The following SHISA9 variants were observed in gnomAD, a reference collection of about 807,000 sequenced individuals.
The protein encoded by SHISA9 is shisa family member 9, also known as protein shisa-9.
A neutral mutation model predicts 38.0 loss-of-function variants in SHISA9; 13 were observed. The ratio of observed to expected loss-of-function variants is 0.34; its 90% confidence interval spans 0.22 to 0.54. The LOEUF is 0.54. Among genes scored for constraint, SHISA9 ranks in the 20% least tolerant of loss-of-function variants. SHISA9 has a pLI of 0.91. For missense variants in SHISA9, 538 were observed against 575.8 expected, an observed-to-expected ratio of 0.93 and a Z score of 0.67; for synonymous variants, 275 against 242.0, an observed-to-expected ratio of 1.14 and a Z score of -1.27.
intron 2 of SHISA9, among the ~76,000 whole-genome samples, chr16:13,055,524 C>A (rs955489158): frequency 6.6e-6 from 1 of 152,174 alleles, no homozygotes; most frequent in Non-Finnish European, 1.5e-5. Context: ...TCTTGGTGAT[C>A]ATGAGAAAGT....
At chr16:13,517,365 A>G in the SHISA9 span, among the ~76,000 whole-genome samples, 4 of 152,152 alleles carry the variant, frequency 2.6e-5, no homozygotes, top group Admixed American at 2.6e-4. Flanking sequence ...AAGCCATCCA[A>G]TTTGTGGTGA....
the SHISA9 span, among the ~76,000 whole-genome samples, chr16:13,323,094 T>C: frequency 6.6e-6 from 1 of 152,346 alleles, no homozygotes; most frequent in East Asian, 1.9e-4. Context: ...ACTTTGACTT[T>C]CTTCTTTCAA....
In SHISA9 at chr16:13,198,629, C is replaced by T. The variant is rs1334889556; in HGVS notation, c.692-4765C>T. On this transcript the variant is annotated intron_variant, in intron 2 of 4. Coordinates refer to ENST00000558583, the MANE Select transcript of SHISA9 (RefSeq NM_001145204.3). The stretch of plus-strand genomic sequence containing the variant: ...GCTGAATATATTTGTGGAAAACTCA[C>T]AAAGCAACTGGGTTGCCAGGTCTGG... 2.6e-5 allele frequency among the ~76,000 whole-genome samples: 4 copies of T among 152,258 alleles called. No individual in the cohort carries two copies. The East Asian group carries it at 5.8e-4, about 22-fold the overall frequency.
At chr16:13,019,786 TTC>T (rs1355291210) in intron 2 of SHISA9, among the ~76,000 whole-genome samples, 1 of 130,466 alleles carries the variant, frequency 7.7e-6, no homozygotes, top group African/African-American at 3.0e-5. Context: ...CTTTCTTTCT[TTC>T]TTTCTTTCTT....
chr16:12,973,502 A>G (rs184941851), intron 2 of SHISA9, among the ~76,000 whole-genome samples: 1 of 152,300 alleles, frequency 6.6e-6, no homozygotes, highest in African/African-American at 2.4e-5. Flanking sequence ...TCGACTTCAG[A>G]GCAGAGATTT....
At chr16:13,304,647 T>G in the SHISA9 span, among the ~76,000 whole-genome samples, 3 of 152,192 alleles carry the variant, frequency 2.0e-5, no homozygotes, top group Non-Finnish European at 4.4e-5. Flanking sequence ...TTTGTGTTGT[T>G]TTGAGGTCTA....
the SHISA9 span, among the ~76,000 whole-genome samples, chr16:13,510,801 T>G: frequency 6.6e-6 from 1 of 151,610 alleles, no homozygotes; most frequent in Non-Finnish European, 1.5e-5. Context: ...GTTTTTTTTT[T>G]GTAAAATAAA....
chr16:13,314,902 A>G, the SHISA9 span, among the ~76,000 whole-genome samples: 1 of 152,196 alleles, frequency 6.6e-6, no homozygotes, highest in Non-Finnish European at 1.5e-5. Flanking sequence ...GATCTGCTCT[A>G]CAATATAGAA....
At chr16:13,024,091 A>C (rs1052487478) in intron 2 of SHISA9, among the ~76,000 whole-genome samples, 1 of 152,184 alleles carries the variant, frequency 6.6e-6, no homozygotes, top group African/African-American at 2.4e-5. Flanking sequence ...AATCCTCACT[A>C]ACACTTAGTG....
the SHISA9 span, among the ~76,000 whole-genome samples, chr16:13,545,169 AAAAG>A: frequency 6.6e-6 from 1 of 152,234 alleles, no homozygotes; most frequent in African/African-American, 2.4e-5. Context: ...TACCATTGAG[AAAAG>A]AAAGATCCAA....
the SHISA9 span, among the ~76,000 whole-genome samples, chr16:13,547,593 G>T: frequency 1.3e-5 from 2 of 152,120 alleles, no homozygotes; most frequent in South Asian, 4.1e-4. Flanking sequence ...CTGCATTTTT[G>T]CTCTATTCAG....
chr16:13,325,542 C>T, the SHISA9 span, among the ~76,000 whole-genome samples: 1 of 152,142 alleles, frequency 6.6e-6, no homozygotes, highest in Non-Finnish European at 1.5e-5. Context: ...TGTATTTATA[C>T]ATACTATAGA....
At chr16:13,336,861 C>A in the SHISA9 span, among the ~76,000 whole-genome samples, 1 of 152,170 alleles carries the variant, frequency 6.6e-6, no homozygotes, top group African/African-American at 2.4e-5. Flanking sequence ...GAGGCTCAAA[C>A]CTCCACACCC....
Position 13,196,914 on chromosome 16 carries a change from C to T in SHISA9, c.692-6480C>T, listed in dbSNP as rs570931251. Among the ~76,000 whole-genome samples, 100 of 152,162 alleles carry T rather than the reference C, an allele frequency of 6.6e-4. 1 individual carries two copies. Among genetic ancestry groups the T allele is most frequent in the South Asian group, 1.7e-3 (8 of 4,828 alleles). ...TTCAGGACCAGCCTGGCCAACATGG[C>T]GAAACCATATCTCCACTAAAAATAC... is the stretch of plus-strand genomic sequence containing the variant. On this transcript the variant is annotated intron_variant, in intron 2 of 4. Transcript: ENST00000558583.
chr16:13,315,999 A>G, the SHISA9 span, among the ~76,000 whole-genome samples: 1 of 151,958 alleles, frequency 6.6e-6, no homozygotes, highest in Non-Finnish European at 1.5e-5. Flanking sequence ...CATCTGATAG[A>G]AAGTGTCATT....
intron 4 of SHISA9, among the ~76,000 whole-genome samples, chr16:13,213,831 G>A (rs1036873091): frequency 2.0e-5 from 3 of 152,150 alleles, no homozygotes; most frequent in African/African-American, 7.2e-5. Context: ...AACCCAGCTG[G>A]GTGACCAGAC....
At chr16:13,198,712 G>A (rs1028154233) in intron 2 of SHISA9, among the ~76,000 whole-genome samples, 3 of 152,194 alleles carry the variant, frequency 2.0e-5, no homozygotes, top group Admixed American at 6.5e-5. Context: ...AGTCACAAAT[G>A]TCTGTTTAAT....
the SHISA9 span, among the ~76,000 whole-genome samples, chr16:13,306,536 G>A: frequency 1.3e-5 from 2 of 152,146 alleles, no homozygotes; most frequent in African/African-American, 4.8e-5. Flanking sequence ...TGGCTTAACT[G>A]CTCAGGATCT....
intron 2 of SHISA9, among the ~76,000 whole-genome samples, chr16:13,178,326 GTTTT>G (rs11442158): frequency 2.1e-5 from 3 of 142,386 alleles, no homozygotes; most frequent in Non-Finnish European, 4.6e-5. Flanking sequence ...CTCTCTCTGG[GTTTT>G]TTTTTTTTTT....
Sources: gnomAD v4.1 joint callset for allele counts (sites outside exome capture counted in the v4.1 genomes callset) on GRCh38, gnomAD v4.1.1 for gene constraint, MANE v1.5 for transcripts, NCBI Gene and HGNC (gene_info 2026-07-23, HGNC 2026-07-21) for gene names.